The following CDYL variants were observed in gnomAD, a reference collection of about 807,000 sequenced individuals.
CDYL encodes chromodomain Y-like protein.
CDYL carries 8 observed loss-of-function variants against 47.3 expected under a neutral mutation model. The observed-to-expected ratio is 0.17, with a 90% confidence interval of 0.10 to 0.31. The LOEUF (loss-of-function observed/expected upper bound fraction) is 0.31, where lower values mean the gene tolerates loss of function less well. Among genes scored for constraint, CDYL ranks in the 10% least tolerant of loss-of-function variants. The pLI is 1.00. For missense variants in CDYL, 471 were observed against 701.4 expected (o/e 0.67, Z 3.71); for synonymous variants, 266 against 265.0 (o/e 1.00, Z -0.04).
rs575516045 is a variant in CDYL at position 4,792,681 on chromosome 6, C to T, written c.24+15874C>T. On this transcript the variant is annotated intron_variant, in intron 1 of 6. Transcript: ENST00000397588. ...GAATTCCTATCCTCAAGTGATCTGC[C>T]CACCTTGGCCTCCCAAAGTGCTGGG... is the stretch of plus-strand genomic sequence containing the variant. Among the ~76,000 whole-genome samples, 5 of 152,184 alleles carry T rather than the reference C, an allele frequency of 3.3e-5. No individual in the cohort carries two copies. In the East Asian group the frequency reaches 9.7e-4, roughly 30 times the overall value.
At chr6:4,724,166 A>C (rs755399818) in intron 2 of CDYL, among the ~76,000 whole-genome samples, 2 of 151,704 alleles carry the variant, frequency 1.3e-5, no homozygotes, top group Middle Eastern at 3.2e-3. Context: ...TCAGCTTCCG[A>C]AGTAGCTGGG....
chr6:4,874,371 T>C (rs960529109), intron 1 of CDYL, among the ~76,000 whole-genome samples: 4 of 152,162 alleles, frequency 2.6e-5, no homozygotes, highest in African/African-American at 9.7e-5. Context: ...CTGTTCAGCG[T>C]TGGCGTTAGG....
intron 3 of CDYL, among the ~76,000 whole-genome samples, chr6:4,768,071 C>T (rs1219508708): frequency 6.6e-6 from 1 of 152,226 alleles, no homozygotes; most frequent in Non-Finnish European, 1.5e-5. Context: ...CTGTTGTCTG[C>T]ATTCTGGCTT....
At chr6:4,825,438 C>T (rs1400878103) in intron 1 of CDYL, among the ~76,000 whole-genome samples, 1 of 152,056 alleles carries the variant, frequency 6.6e-6, no homozygotes, top group South Asian at 2.1e-4. Flanking sequence ...GCTATAACTT[C>T]CAGTTATACA....
At chr6:4,858,474 A>G (rs1314113050) in intron 1 of CDYL, among the ~76,000 whole-genome samples, 1 of 152,218 alleles carries the variant, frequency 6.6e-6, no homozygotes, top group African/African-American at 2.4e-5. Context: ...CCAGCCGTCC[A>G]GTCACCTGGA....
At position 4,727,049 on chromosome 6, in the gene CDYL, T is replaced by G. The variant is rs375173434; in HGVS notation, c.104-7713T>G. ...CATATATACATTTAAATACATAGTT[T>G]TAGTCACTTTGTTTAACAATGTTAC... On this transcript the variant is annotated intron_variant, in intron 2 of 8. Coordinates refer to the CDYL transcript ENST00000328908. Among the ~76,000 whole-genome samples, 46 of 152,310 alleles carry G rather than the reference T, an allele frequency of 3.0e-4. No homozygotes were observed. The South Asian group carries it at 9.3e-3, about 31-fold the overall frequency.
intron 1 of CDYL, 110 bp downstream of exon 1, chr6:4,776,917 C>T (rs1258864382): frequency 3.0e-6 from 1 of 328,966 alleles, no homozygotes; most frequent in Non-Finnish European, 4.3e-6. Context: ...CGTCCCCTCC[C>T]CCGCCGCGGC....
intron 1 of CDYL, among the ~76,000 whole-genome samples, chr6:4,834,228 T>C (rs1193205731): frequency 1.3e-5 from 2 of 152,146 alleles, no homozygotes; most frequent in Non-Finnish European, 2.9e-5. Flanking sequence ...TTCCTTTCCA[T>C]GTTTAGTGCT....
intron 1 of CDYL, among the ~76,000 whole-genome samples, chr6:4,878,722 C>T (rs72821456): frequency 1.1e-3 from 160 of 152,016 alleles, no homozygotes; most frequent in Non-Finnish European, 2.0e-3. Flanking sequence ...TCCAAAGAAG[C>T]ATCTTTTGGC....
intron 1 of CDYL, among the ~76,000 whole-genome samples, chr6:4,883,333 G>C (rs767147251): frequency 9.9e-5 from 15 of 152,168 alleles, no homozygotes; most frequent in Non-Finnish European, 1.9e-4. Flanking sequence ...GGTTCTCCCA[G>C]ATTTTTGCAA....
At chr6:4,813,171 A>G (rs1399532919) in intron 1 of CDYL, among the ~76,000 whole-genome samples, 1 of 152,068 alleles carries the variant, frequency 6.6e-6, no homozygotes, top group African/African-American at 2.4e-5. Context: ...CCTTGTGTTT[A>G]TGCATCCATT....
intron 1 of CDYL, among the ~76,000 whole-genome samples, chr6:4,837,411 A>C (rs930699134): frequency 7.9e-5 from 12 of 152,230 alleles, no homozygotes; most frequent in Admixed American, 5.2e-4. Context: ...GTTACAATAA[A>C]GGGATCACCT....
At chr6:4,776,890 G>T in intron 1 of CDYL, 83 bp downstream of exon 1, 5 of 587,910 alleles carry the variant, frequency 8.5e-6, no homozygotes, top group Non-Finnish European at 1.1e-5. Flanking sequence ...GGCCCCGCTC[G>T]CCGCCCGCGC....
At chr6:4,734,647 C>CTGTG in intron 2 of CDYL, 3 of 1,332,042 alleles carry the variant, frequency 2.3e-6, no homozygotes, top group Non-Finnish European at 3.0e-6. Context: ...ACTCCTAATT[C>CTGTG]AGGAAGGGGA....
chr6:4,725,093 TC>T (rs1439552703), intron 2 of CDYL, among the ~76,000 whole-genome samples: 4 of 152,164 alleles, frequency 2.6e-5, no homozygotes, highest in Non-Finnish European at 5.9e-5. Context: ...ACACAGAGTG[TC>T]GATTGCTGCA....
At chr6:4,933,266 C>A (rs1233517368) in intron 2 of CDYL, among the ~76,000 whole-genome samples, 1 of 152,104 alleles carries the variant, frequency 6.6e-6, no homozygotes, top group Non-Finnish European at 1.5e-5. Flanking sequence ...GACTTCCCTC[C>A]CCTGATCTAG....
At position 4,752,678 on chromosome 6, in the gene CDYL, G is replaced by A. The variant is rs554900838; in HGVS notation, c.186+17834G>A. Among the ~76,000 whole-genome samples the A allele has an allele frequency of 5.3e-5, 8 of 152,208 alleles. No homozygotes were observed. The East Asian group carries it at 1.4e-3, about 26-fold the overall frequency. ...TCCTAGTGAAAATCATGGAATATTA[G>A]CCCTCAAAGATATTTTAAAGCCCAC... On this transcript the variant is annotated intron_variant, in intron 3 of 8. Transcript: ENST00000328908.
At chr6:4,718,349 G>T (rs1757308581) in intron 2 of CDYL, among the ~76,000 whole-genome samples, 1 of 152,118 alleles carries the variant, frequency 6.6e-6, no homozygotes, top group East Asian at 1.9e-4. Context: ...CACGATCTCA[G>T]CTCACTGCAA....
intron 4 of CDYL, among the ~76,000 whole-genome samples, chr6:4,938,881 A>G (rs1218826632): frequency 6.6e-6 from 1 of 152,226 alleles, no homozygotes; most frequent in Non-Finnish European, 1.5e-5. Flanking sequence ...CTAAAATCAT[A>G]TCCCCTCATT....
Sources: gnomAD v4.1 joint callset for allele counts (sites outside exome capture counted in the v4.1 genomes callset) on GRCh38, gnomAD v4.1.1 for gene constraint, MANE v1.5 for transcripts, NCBI Gene and HGNC (gene_info 2026-07-23, HGNC 2026-07-21) for gene names.